The following SNX9 variants were observed in gnomAD, a reference collection of about 807,000 sequenced individuals.
The protein encoded by SNX9 is sorting nexin-9.
SNX9 carries 44 observed loss-of-function variants against 89.4 expected under a neutral mutation model. That is an observed-to-expected ratio of 0.49 (90% confidence interval 0.39 to 0.63). SNX9 has a LOEUF of 0.63. Ranked by LOEUF, SNX9 falls within the 30% of genes least tolerant of loss-of-function variation. The pLI is 0.00. For missense variants in SNX9, 578 were observed against 736.1 expected (o/e 0.79, Z 2.49); for synonymous variants, 236 against 247.8 (o/e 0.95, Z 0.45).
At chr6:157,834,148 TGG>T (rs1491549635) in intron 1 of SNX9, among the ~76,000 whole-genome samples, 84 of 94,734 alleles carry the variant, frequency 8.9e-4, no homozygotes, top group African/African-American at 3.6e-3. Flanking sequence ...GTGTCCACTG[TGG>T]TTTTTTTTTT....
intron 11 of SNX9, 66 bp downstream of exon 11, chr6:157,927,280 C>A: frequency 1.7e-6 from 2 of 1,183,852 alleles, no homozygotes; most frequent in South Asian, 1.2e-5. Flanking sequence ...CATCAGGCTT[C>A]AGCCAGTGTA....
At chr6:157,869,585 GC>G (rs1407838648) in intron 2 of SNX9, among the ~76,000 whole-genome samples, 2 of 152,104 alleles carry the variant, frequency 1.3e-5, no homozygotes, top group East Asian at 3.9e-4. Context: ...TGCGCTTCCT[GC>G]CAGCGCCCTG....
At chr6:157,837,985 G>T (rs1781617734) in intron 1 of SNX9, among the ~76,000 whole-genome samples, 1 of 152,196 alleles carries the variant, frequency 6.6e-6, no homozygotes, top group Non-Finnish European at 1.5e-5. Context: ...GATATTGACA[G>T]AAATATTCAG....
chr6:157,921,256 T>A (rs575142502), intron 9 of SNX9, among the ~76,000 whole-genome samples: 1 of 152,224 alleles, frequency 6.6e-6, no homozygotes, highest in Admixed American at 6.5e-5. Context: ...AGTAGCACCT[T>A]GAGGTTGTCA....
chr6:157,919,093 A>C (rs944733487), intron 9 of SNX9, among the ~76,000 whole-genome samples: 3 of 152,144 alleles, frequency 2.0e-5, no homozygotes, highest in Admixed American at 6.5e-5. Flanking sequence ...CATCTTTAGT[A>C]ATTTCTTTTT....
At chr6:157,939,558 A>T (rs1046099284) in intron 16 of SNX9, among the ~76,000 whole-genome samples, 5 of 152,204 alleles carry the variant, frequency 3.3e-5, no homozygotes, top group African/African-American at 1.2e-4. Context: ...GGGCCTAAAG[A>T]TGTGGTACTG....
chr6:157,852,015 T>C (rs764205771), intron 1 of SNX9, among the ~76,000 whole-genome samples: 1 of 152,232 alleles, frequency 6.6e-6, no homozygotes. Context: ...ATTTTGTTTA[T>C]TCATCCGTTG....
intron 4 of SNX9, among the ~76,000 whole-genome samples, chr6:157,879,752 T>C (rs1178843145): frequency 2.0e-5 from 3 of 152,238 alleles, no homozygotes; most frequent in South Asian, 2.1e-4. Context: ...TCATCAGTTA[T>C]TGTTGTTTAG....
chr6:157,940,098 G>C (rs1165490139), intron 16 of SNX9, among the ~76,000 whole-genome samples: 1 of 152,212 alleles, frequency 6.6e-6, no homozygotes, highest in Non-Finnish European at 1.5e-5. Flanking sequence ...GGGCAGCAAG[G>C]CTTCCCGTAC....
At chr6:157,904,932 G>T (rs1215011765) in intron 6 of SNX9, among the ~76,000 whole-genome samples, 1 of 152,196 alleles carries the variant, frequency 6.6e-6, no homozygotes, top group East Asian at 1.9e-4. Context: ...TCTACCTGCG[G>T]CTGCAGGGAG....
At chr6:157,901,237 A>G (rs1198434268) in intron 5 of SNX9, among the ~76,000 whole-genome samples, 1 of 152,114 alleles carries the variant, frequency 6.6e-6, no homozygotes, top group African/African-American at 2.4e-5. Flanking sequence ...GGAGCATTTC[A>G]TCTTTTATTC....
In SNX9 at chr6:157,923,959, A is replaced by T. The variant is rs536974408; in HGVS notation, c.1080+2298A>T. 2.0e-5 allele frequency among the ~76,000 whole-genome samples: 3 copies of T among 152,344 alleles called. No individual in the cohort carries two copies. The East Asian group carries it at 5.8e-4, about 29-fold the overall frequency. ...TTGTTATGTTTTTAAAACATGTCCC[A>T]GGCTGGGTGTGGCGGATCACTTGAG... On this transcript the variant is annotated intron_variant, in intron 10 of 17. Coordinates refer to ENST00000392185, the MANE Select transcript of SNX9 (RefSeq NM_016224.5).
chr6:157,869,619 C>A (rs1294509730), intron 2 of SNX9, among the ~76,000 whole-genome samples: 1 of 152,174 alleles, frequency 6.6e-6, no homozygotes, highest in African/African-American at 2.4e-5. Context: ...ATCCTCTTGC[C>A]TGGACCATGC....
At chr6:157,852,679 C>T (rs572779036) in intron 1 of SNX9, among the ~76,000 whole-genome samples, 13 of 152,198 alleles carry the variant, frequency 8.5e-5, no homozygotes, top group African/African-American at 2.2e-4. Context: ...CCTGTTTAAG[C>T]GATCCTCCCA....
At chr6:157,827,020 TA>T in intron 1 of SNX9, among the ~76,000 whole-genome samples, 1 of 20,108 alleles carries the variant, frequency 5.0e-5, no homozygotes, top group Non-Finnish European at 6.8e-5. Flanking sequence ...ATAGTTTATA[TA>T]ATATATACAT....
intron 1 of SNX9, among the ~76,000 whole-genome samples, chr6:157,852,962 G>C (rs1327057717): frequency 6.6e-6 from 1 of 151,962 alleles, no homozygotes; most frequent in African/African-American, 2.4e-5. Context: ...TATCTTCTTA[G>C]TTTTCTTTCA....
At chr6:157,824,056 G>T (rs1781294477) in intron 1 of SNX9, among the ~76,000 whole-genome samples, 1 of 152,224 alleles carries the variant, frequency 6.6e-6, no homozygotes, top group African/African-American at 2.4e-5. Flanking sequence ...GAATGGCATT[G>T]CCGGCATGAA....
chr6:157,859,027 T>TA (rs1782067740), intron 1 of SNX9, among the ~76,000 whole-genome samples: 1 of 152,250 alleles, frequency 6.6e-6, no homozygotes, highest in African/African-American at 2.4e-5. Context: ...TAAGAAATTC[T>TA]AAAGTTTTTT....
At chr6:157,910,744 T>C (rs1783322593) in intron 9 of SNX9, among the ~76,000 whole-genome samples, 1 of 152,154 alleles carries the variant, frequency 6.6e-6, no homozygotes, top group African/African-American at 2.4e-5. Context: ...GGTTTGTTTT[T>C]GTGTCAGGGA....
Sources: allele counts gnomAD v4.1 joint callset (sites outside exome capture counted in the v4.1 genomes callset), GRCh38; gene constraint gnomAD v4.1.1; transcripts MANE v1.5; gene names NCBI Gene and HGNC (gene_info 2026-07-23, HGNC 2026-07-21).